PDE1C: variants seen among roughly 807,000 people sequenced by gnomAD.
PDE1C encodes dual specificity calcium/calmodulin-dependent 3',5'-cyclic nucleotide phosphodiesterase 1C.
PDE1C carries 62 observed loss-of-function variants against 93.1 expected under a neutral mutation model. The ratio of observed to expected loss-of-function variants is 0.67; its 90% CI spans 0.54 to 0.82. The LOEUF (loss-of-function observed/expected upper bound fraction) is 0.82. PDE1C is among the 40% of genes least tolerant of loss of function. PDE1C has a pLI of 0.00. For synonymous variants in PDE1C, 325 were observed against 310.1 expected (o/e 1.05, Z -0.50); for missense variants, 742 against 884.6 (o/e 0.84, Z 2.04).
At chr7:31,722,531 C>T in the PDE1C span, among the ~76,000 whole-genome samples, 1 of 152,168 alleles carries the variant, frequency 6.6e-6, no homozygotes, top group Non-Finnish European at 1.5e-5. Flanking sequence ...ACTGGCTACA[C>T]TGGGGCTATG....
At chr7:32,323,694 C>A (rs1783346098) in intron 1 of PDE1C, among the ~76,000 whole-genome samples, 1 of 152,118 alleles carries the variant, frequency 6.6e-6, no homozygotes, top group East Asian at 1.9e-4. Context: ...AATACAGATG[C>A]CTGGTCTGGA....
chr7:32,152,982 G>A (rs1347165408), intron 3 of PDE1C, among the ~76,000 whole-genome samples: 1 of 152,132 alleles, frequency 6.6e-6, no homozygotes, highest in Non-Finnish European at 1.5e-5. Context: ...TACAGGGCAT[G>A]CATATTATTT....
chr7:32,006,780 T>C (rs1393925700), intron 2 of PDE1C, among the ~76,000 whole-genome samples: 2 of 152,106 alleles, frequency 1.3e-5, no homozygotes, highest in Non-Finnish European at 2.9e-5. Flanking sequence ...CAGAGAGAAA[T>C]TGTGGCCCAT....
At chr7:31,720,763 GT>G in the PDE1C span, among the ~76,000 whole-genome samples, 294 of 152,232 alleles carry the variant, frequency 1.9e-3, no homozygotes, top group African/African-American at 6.6e-3. Context: ...GGATGCTTTT[GT>G]TTTTTTCTCC....
chr7:31,756,782 G>T (rs1022045706), intron 17 of PDE1C, among the ~76,000 whole-genome samples: 2 of 152,146 alleles, frequency 1.3e-5, no homozygotes, highest in Non-Finnish European at 2.9e-5. Flanking sequence ...CAAGTCAAAT[G>T]ATCATCAAAA....
At chr7:32,169,226 T>C (rs150233874) in intron 3 of PDE1C, among the ~76,000 whole-genome samples, 1 of 152,210 alleles carries the variant, frequency 6.6e-6, no homozygotes, top group African/African-American at 2.4e-5. Flanking sequence ...GTAATGAAAA[T>C]GGAGTGCAAT....
intron 2 of PDE1C, among the ~76,000 whole-genome samples, chr7:32,208,327 C>A (rs1805756378): frequency 6.6e-6 from 1 of 152,104 alleles, no homozygotes; most frequent in South Asian, 2.1e-4. Flanking sequence ...ACCTAGTCAA[C>A]CCTGCATGAG....
At chr7:32,039,991 C>A (rs1384096155) in intron 2 of PDE1C, among the ~76,000 whole-genome samples, 1 of 152,112 alleles carries the variant, frequency 6.6e-6, no homozygotes, top group Non-Finnish European at 1.5e-5. Flanking sequence ...AATATTAACC[C>A]TTCAAGACAA....
chr7:32,287,439 C>T (rs1296858907), intron 1 of PDE1C, among the ~76,000 whole-genome samples: 1 of 152,182 alleles, frequency 6.6e-6, no homozygotes, highest in Non-Finnish European at 1.5e-5. Flanking sequence ...AATTAGATAC[C>T]CCTGCTGGGC....
At chr7:32,415,108 A>G (rs998129073) in intron 1 of PDE1C, among the ~76,000 whole-genome samples, 5 of 152,308 alleles carry the variant, frequency 3.3e-5, no homozygotes, top group Middle Eastern at 3.4e-3. Context: ...CTTGAGGCCA[A>G]GTATTCGAGA....
rs760206393 is a variant in PDE1C at position 32,112,860 on chromosome 7, A to G, written c.308+56925T>C. Among the ~76,000 whole-genome samples, 241 of 113,332 alleles carry G rather than the reference A, an allele frequency of 2.1e-3. 4 individuals are homozygous for G. The highest frequency in any genetic ancestry group is 0.012 in the African/African-American group (225 of 19,524). The allele number at this position is 113,332 out of a possible 152,430, so 74.4% of individuals were successfully genotyped here. The stretch of plus-strand genomic sequence containing the variant: ...TGTGTGTGTGTGTATATATATATAT[A>G]TATATATATATATCTCAAACTCCTG... On this transcript the variant is annotated intron_variant, in intron 3 of 18. Transcript: ENST00000396193.
At chr7:31,914,368 G>A (rs892647789) in intron 2 of PDE1C, among the ~76,000 whole-genome samples, 96 of 152,136 alleles carry the variant, frequency 6.3e-4, no homozygotes, top group African/African-American at 1.9e-3. Flanking sequence ...AAGAAGTTCC[G>A]AGAAGAACTT....
At chr7:31,923,681 G>A (rs1280693836) in intron 2 of PDE1C, among the ~76,000 whole-genome samples, 4 of 152,166 alleles carry the variant, frequency 2.6e-5, no homozygotes, top group African/African-American at 9.7e-5. Context: ...TGGGAGCTCA[G>A]AAGTGAGATT....
At chr7:32,042,156 T>G (rs1236199802) in intron 2 of PDE1C, among the ~76,000 whole-genome samples, 3 of 152,070 alleles carry the variant, frequency 2.0e-5, no homozygotes, top group African/African-American at 4.8e-5. Flanking sequence ...AAGAAGTAGC[T>G]GGGCATGATG....
intron 2 of PDE1C, among the ~76,000 whole-genome samples, chr7:31,934,856 A>G (rs1400508412): frequency 6.6e-6 from 1 of 152,184 alleles, no homozygotes; most frequent in Non-Finnish European, 1.5e-5. Flanking sequence ...TCATGAAAAT[A>G]TAGTTCTACA....
chr7:32,317,696 G>A (rs1480052574), intron 1 of PDE1C, among the ~76,000 whole-genome samples: 1 of 152,076 alleles, frequency 6.6e-6, no homozygotes, highest in East Asian at 1.9e-4. Context: ...AACAGTGCAA[G>A]CTCCACAGCC....
chr7:31,903,987 A>G (rs1453574094), intron 2 of PDE1C, among the ~76,000 whole-genome samples: 1 of 152,172 alleles, frequency 6.6e-6, no homozygotes. Flanking sequence ...CTGACCTTCA[A>G]CGTTGGTGTA....
upstream of PDE1C, among the ~76,000 whole-genome samples, chr7:32,300,792 C>T (rs1488550545): frequency 6.6e-6 from 1 of 152,040 alleles, no homozygotes; most frequent in Non-Finnish European, 1.5e-5. Flanking sequence ...TTATATGTAA[C>T]ATTTTATATA....
chr7:31,666,498 CTT>C, the PDE1C span, among the ~76,000 whole-genome samples: 10 of 150,098 alleles, frequency 6.7e-5, no homozygotes, highest in Non-Finnish European at 1.3e-4. Context: ...ACACAATTAA[CTT>C]AATACTGTAA....
Sources: allele counts gnomAD v4.1 joint callset (sites outside exome capture counted in the v4.1 genomes callset), GRCh38; gene constraint gnomAD v4.1.1; transcripts MANE v1.5; gene names NCBI Gene and HGNC (gene_info 2026-07-23, HGNC 2026-07-21).